CACNA2D3: variants seen among roughly 807,000 people sequenced by gnomAD.
CACNA2D3 encodes the protein calcium voltage-gated channel auxiliary subunit alpha2delta 3.
A neutral mutation model predicts 160.6 loss-of-function variants in CACNA2D3; 60 were observed. The ratio of observed to expected loss-of-function variants is 0.37; its 90% CI spans 0.30 to 0.46. The LOEUF (loss-of-function observed/expected upper bound fraction) is 0.46, where lower values mean the gene tolerates loss of function less well. Ranked by LOEUF, CACNA2D3 falls within the 20% of genes least tolerant of loss-of-function variation. CACNA2D3 has a pLI of 1.00. For synonymous variants in CACNA2D3, 558 were observed against 492.9 expected, an observed-to-expected ratio of 1.13 and a Z score of -1.75; for missense variants, 1,205 against 1,365.0, an observed-to-expected ratio of 0.88 and a Z score of 1.85.
chr3:54,176,978 G>A (rs920909808), intron 2 of CACNA2D3, among the ~76,000 whole-genome samples: 1 of 152,174 alleles, frequency 6.6e-6, no homozygotes, highest in Admixed American at 6.5e-5. Context: ...GTGACCCAGG[G>A]CCTGAGGCTC....
At chr3:54,832,730 A>G (rs967518070) in intron 14 of CACNA2D3, among the ~76,000 whole-genome samples, 1 of 152,214 alleles carries the variant, frequency 6.6e-6, no homozygotes. Context: ...TTCCTCTGCC[A>G]TGTTAGCTTT....
At chr3:54,433,876 G>A (rs1369742541) in intron 4 of CACNA2D3, among the ~76,000 whole-genome samples, 1 of 152,188 alleles carries the variant, frequency 6.6e-6, no homozygotes, top group Non-Finnish European at 1.5e-5. Context: ...AGCAGCCAAG[G>A]ACCAATGGAA....
chr3:55,064,371 C>T (rs778793412), intron 35 of CACNA2D3, among the ~76,000 whole-genome samples: 2 of 152,162 alleles, frequency 1.3e-5, no homozygotes, highest in Non-Finnish European at 2.9e-5. Flanking sequence ...CCTTGACCCT[C>T]TGCTTGCCTG....
chr3:54,562,711 C>T, intron 5 of CACNA2D3, 89 bp from the exon 6 acceptor site: 2 of 1,128,036 alleles, frequency 1.8e-6, no homozygotes, highest in Non-Finnish European at 2.6e-6. Flanking sequence ...GTACCTTGTG[C>T]CAGTATCTGC....
At chr3:54,950,794 C>T (rs576925754) in intron 27 of CACNA2D3, among the ~76,000 whole-genome samples, 3 of 152,064 alleles carry the variant, frequency 2.0e-5, no homozygotes, top group Admixed American at 6.6e-5. Flanking sequence ...CCAAAATAAA[C>T]GGGAAGGGAC....
At chr3:54,370,972 C>T (rs1028920246) in intron 3 of CACNA2D3, among the ~76,000 whole-genome samples, 4 of 151,952 alleles carry the variant, frequency 2.6e-5, no homozygotes, top group Non-Finnish European at 2.9e-5. Flanking sequence ...TGAAATAATA[C>T]AATACATGGT....
At chr3:54,822,823 C>CT (rs1305531907) in intron 14 of CACNA2D3, among the ~76,000 whole-genome samples, 1,405 of 90,736 alleles carry the variant, frequency 0.015, 19 homozygotes, top group African/African-American at 0.028. Context: ...TTCTTTCTTT[C>CT]TTTCTTTCTT....
At chr3:54,553,713 C>T (rs1190064914) in intron 5 of CACNA2D3, among the ~76,000 whole-genome samples, 2 of 152,086 alleles carry the variant, frequency 1.3e-5, no homozygotes, top group Non-Finnish European at 2.9e-5. Flanking sequence ...TAATACAGTT[C>T]TGCTAATTCG....
At chr3:54,663,860 C>G (rs143573828) in intron 11 of CACNA2D3, among the ~76,000 whole-genome samples, 202 of 152,336 alleles carry the variant, frequency 1.3e-3, no homozygotes, top group African/African-American at 4.6e-3. Flanking sequence ...CACTGCCACC[C>G]TCTCCTGCCT....
intron 4 of CACNA2D3, among the ~76,000 whole-genome samples, chr3:54,482,897 C>T (rs1700956369): frequency 6.6e-6 from 1 of 152,210 alleles, no homozygotes; most frequent in Non-Finnish European, 1.5e-5. Context: ...ACACACATCA[C>T]TTCTGCTCAC....
chr3:54,681,049 T>C (rs1459580426), intron 11 of CACNA2D3, among the ~76,000 whole-genome samples: 1 of 151,996 alleles, frequency 6.6e-6, no homozygotes, highest in Non-Finnish European at 1.5e-5. Context: ...TCTAATGGCT[T>C]TTTTCCCTAA....
intron 13 of CACNA2D3, among the ~76,000 whole-genome samples, chr3:54,782,174 T>C (rs946634228): frequency 6.6e-5 from 10 of 152,216 alleles, no homozygotes; most frequent in African/African-American, 2.4e-4. Context: ...AGCTGGAAGG[T>C]ATATTCCTAA....
chr3:54,813,863 C>CTTTTTTTTTTTTTTTTTTTTTTTTTTT (rs10699574), intron 13 of CACNA2D3, among the ~76,000 whole-genome samples: 1 of 121,596 alleles, frequency 8.2e-6, no homozygotes, highest in Non-Finnish European at 1.7e-5. Flanking sequence ...TTATAATATT[C>CTTTTTTTTTTTTTTTTTTTTTTTTTTT]TTTTTTTTTT....
intron 2 of CACNA2D3, among the ~76,000 whole-genome samples, chr3:54,201,884 A>T (rs1040547838): frequency 2.0e-5 from 3 of 152,212 alleles, no homozygotes; most frequent in Admixed American, 1.3e-4. Flanking sequence ...AGTTCAGAAA[A>T]TGACATTTAA....
At chr3:54,387,658 A>ATAAGTAAGTAAGTAAG (rs3028847) in intron 4 of CACNA2D3, among the ~76,000 whole-genome samples, 2,319 of 151,246 alleles carry the variant, frequency 0.015, 47 homozygotes, top group African/African-American at 0.054. Flanking sequence ...TCTCAAATAA[A>ATAAGTAAGTAAGTAAG]TAAGTAAGTA....
intron 2 of CACNA2D3, among the ~76,000 whole-genome samples, chr3:54,224,509 G>A (rs1701634351): frequency 1.3e-5 from 2 of 152,112 alleles, no homozygotes; most frequent in South Asian, 4.1e-4. Context: ...TACAACACCT[G>A]GGACATCACT....
At chr3:54,195,715 T>G (rs1701065724) in intron 2 of CACNA2D3, among the ~76,000 whole-genome samples, 1 of 152,120 alleles carries the variant, frequency 6.6e-6, no homozygotes, top group Non-Finnish European at 1.5e-5. Context: ...ACTTTTGTGG[T>G]GCAGCGTTGG....
chr3:54,339,234 C>G (rs547170773), intron 3 of CACNA2D3, among the ~76,000 whole-genome samples: 1 of 152,294 alleles, frequency 6.6e-6, no homozygotes, highest in Admixed American at 6.5e-5. Flanking sequence ...CTAGAGTGCC[C>G]TTGCATGCAG....
intron 4 of CACNA2D3, among the ~76,000 whole-genome samples, chr3:54,476,817 T>A (rs1700838969): frequency 6.6e-6 from 1 of 152,198 alleles, no homozygotes; most frequent in South Asian, 2.1e-4. Flanking sequence ...AACCCCTTAT[T>A]GAATATATGG....
Sources: gnomAD v4.1 joint callset for allele counts (sites outside exome capture counted in the v4.1 genomes callset) on GRCh38, gnomAD v4.1.1 for gene constraint, MANE v1.5 for transcripts, NCBI Gene and HGNC (gene_info 2026-07-23, HGNC 2026-07-21) for gene names.